GMPR2: variants seen among roughly 807,000 people sequenced by gnomAD.
GMPR2 encodes GMP reductase 2.
In GMPR2, 32 loss-of-function variants were observed where a neutral mutation model predicts 38.5. That is an observed-to-expected ratio of 0.83 (90% confidence interval 0.63 to 1.12). The LOEUF (loss-of-function observed/expected upper bound fraction) is 1.12, where lower values mean the gene tolerates loss of function less well. Ranked by LOEUF, GMPR2 falls within the 50% of genes most tolerant of loss-of-function variation. GMPR2 has a pLI of 0.00. For missense variants in GMPR2, 396 were observed against 432.1 expected, an observed-to-expected ratio of 0.92 and a Z score of 0.74; for synonymous variants, 154 against 151.0, an observed-to-expected ratio of 1.02 and a Z score of -0.15.
At chr14:24,234,291 T>C (rs1201483327) in intron 3 of GMPR2, 1 of 1,232,416 alleles carries the variant, frequency 8.1e-7, no homozygotes, top group Admixed American at 2.4e-5. Context: ...TGCTGGTTGA[T>C]CCATGTAGCC....
intron 5 of GMPR2, 24 bp downstream of exon 5, chr14:24,236,164 C>A (rs1398383759): frequency 6.3e-7 from 1 of 1,587,164 alleles, no homozygotes; most frequent in Non-Finnish European, 8.6e-7. Flanking sequence ...ACAGTCGGTA[C>A]CTTTTTATCT....
intron 2 of GMPR2, 63 bp downstream of exon 2, chr14:24,233,403 A>C: frequency 6.2e-7 from 1 of 1,609,882 alleles, no homozygotes; most frequent in Middle Eastern, 1.7e-4. Context: ...ACAACCAAGA[A>C]AGATGCCTGT....
intron 3 of GMPR2, 129 bp downstream of exon 3, chr14:24,233,727 C>A: frequency 9.6e-7 from 1 of 1,039,492 alleles, no homozygotes; most frequent in South Asian, 1.3e-5. Context: ...CTCTGATTTA[C>A]GGTTTTTTCC....
chr14:24,236,585 A>C (rs573779921), intron 5 of GMPR2, among the ~76,000 whole-genome samples: 1 of 152,344 alleles, frequency 6.6e-6, no homozygotes, highest in Admixed American at 6.5e-5. Flanking sequence ...ATGGGTCTTT[A>C]GCCTATACTA....
chr14:24,238,554 G>C (rs2040461574), intron 9 of GMPR2, 35 bp from the exon 10 acceptor site: 1 of 1,613,934 alleles, frequency 6.2e-7, no homozygotes, highest in Non-Finnish European at 8.5e-7. Context: ...AAGGAATCCA[G>C]AAGGAGAAGA....
chr14:24,233,515 A>G lies in GMPR2; in HGVS notation c.124A>G (p.Lys42Glu), dbSNP rs1021226130. The change falls in exon 3 of 10, where the codon AAG becomes GAG. Residue 42 changes from lysine (K) to glutamate (E), a missense_variant. Lys to Glu is a moderately conservative substitution (Grantham distance 56, BLOSUM62 1). Transcript: ENST00000399440. ...LTRSFSFRNS[K>E]QTYSGVPIIA... Reference sequence around the variant, plus strand: ...AAGATCCTTTTCATTTCGGAACTCAAAGCAGACATACTCTGGGGTTCCCAT... The same window carrying G: ...AAGATCCTTTTCATTTCGGAACTCAGAGCAGACATACTCTGGGGTTCCCAT... 7 of 1,613,958 alleles carry G rather than the reference A, an allele frequency of 4.3e-6. No homozygotes were observed. In the African/African-American group the frequency reaches 9.3e-5, roughly 22 times the overall value.
At chr14:24,238,466 A>AG (rs2040455257) in intron 9 of GMPR2, 61 bp downstream of exon 9, 1 of 1,614,024 alleles carries the variant, frequency 6.2e-7, no homozygotes, top group African/African-American at 1.3e-5. Flanking sequence ...GGCTGCTGAG[A>AG]GGGGGATGGT....
chr14:24,237,695 GT>G (rs1225455058), intron 8 of GMPR2, 133 bp downstream of exon 8: 1 of 833,646 alleles, frequency 1.2e-6, no homozygotes, highest in Non-Finnish European at 2.0e-6. Context: ...TGACTCCGAA[GT>G]CTATGGTATC....
intron 4 of GMPR2, 34 bp downstream of exon 4, chr14:24,235,854 C>A (rs1251173269): frequency 6.3e-7 from 1 of 1,593,130 alleles, no homozygotes; most frequent in Non-Finnish European, 8.6e-7. Flanking sequence ...CCTTCCTTAT[C>A]CCAGTTTTCC....
Position 24,239,191 on chromosome 14 carries a change from G to C in GMPR2, c.*413G>C, listed in dbSNP as rs913368396. 1 of 365,882 alleles carries C rather than the reference G, an allele frequency of 2.7e-6. No individual in the cohort carries two copies. The highest frequency in any genetic ancestry group is 2.1e-5 in the African/African-American group (1 of 46,932). The allele number at this position is 365,882 out of a possible 1,614,324, so 22.7% of individuals were successfully genotyped here. On this transcript the variant is annotated 3_prime_UTR_variant, in exon 10 of 10. Coordinates refer to ENST00000399440, the MANE Select transcript of GMPR2 (RefSeq NM_001002002.3). ...CTTCACATATCTAAAAAGCTCTGAA[G>C]TGTTTGTATATTTGAAATACCTCAA... is the stretch of plus-strand genomic sequence containing the variant.
At chr14:24,235,598 C>A (rs2040299459) in intron 3 of GMPR2, 139 bp from the exon 4 acceptor site, 3 of 684,410 alleles carry the variant, frequency 4.4e-6, no homozygotes, top group Admixed American at 4.6e-5. Context: ...GAACTCAAAT[C>A]CCAGCTCAAC....
chr14:24,235,696 A>G, intron 3 of GMPR2, 41 bp from the exon 4 acceptor site: 1 of 1,336,932 alleles, frequency 7.5e-7, no homozygotes, highest in Non-Finnish European at 1.1e-6. Flanking sequence ...AGACCTTAAT[A>G]AAGTTTTCTC....
intron 7 of GMPR2, 71 bp downstream of exon 7, chr14:24,237,422 G>C: frequency 6.7e-7 from 1 of 1,498,938 alleles, no homozygotes; most frequent in Non-Finnish European, 9.3e-7. Flanking sequence ...AGATGGATTA[G>C]AATTCCTGGG....
rs2040329798 is a variant in GMPR2, at chr14:24,236,102, A to C, written c.427A>C (p.Lys143Gln). The C allele has an allele frequency of 6.2e-7, 1 of 1,614,148 alleles. No homozygotes were observed. The highest frequency in any genetic ancestry group is 8.5e-7 in the Non-Finnish European group (1 of 1,179,978). The change falls in exon 5 of 10, where the codon AAA (lysine) becomes CAA (glutamine). Residue 143 changes from lysine (K) to glutamine (Q), a missense_variant. Coordinates refer to ENST00000399440, the MANE Select transcript of GMPR2 (RefSeq NM_001002002.3). ...GYSEHFVEFV[K>Q]DVRKRFPQHT... The stretch of plus-strand genomic sequence containing the variant: ...CTCTGAACACTTTGTTGAATTTGTA[A>C]AAGATGTACGGAAGCGCTTCCCCCA...
rs2040398985 is a variant in GMPR2, at chr14:24,237,396, G to T, written c.654+45G>T. Reference sequence around the variant, plus strand: ...TAGGGTATGAGCGGGGTTTCTGCAGGGTATGGAGGTGGCAGAGATGGATTA... The same window carrying T: ...TAGGGTATGAGCGGGGTTTCTGCAGTGTATGGAGGTGGCAGAGATGGATTA... On this transcript the variant is annotated intron_variant, in intron 7 of 9. Transcript: ENST00000399440. The T allele has an allele frequency of 2.0e-6, 3 of 1,479,360 alleles. No individual in the cohort carries two copies. The East Asian group carries it at 6.8e-5, about 33-fold the overall frequency. 91.6% of individuals were successfully genotyped at this position (1,479,360 alleles called of 1,614,324 possible). A position where few individuals can be genotyped will look rare whatever the true frequency, so the allele number is the denominator to read the frequency against.
intron 3 of GMPR2, chr14:24,233,828 G>T: frequency 1.6e-6 from 1 of 619,268 alleles, no homozygotes; most frequent in Non-Finnish European, 2.8e-6. Flanking sequence ...TCTGATATAT[G>T]AACAGAATTT....
In GMPR2 at chr14:24,235,992, G is replaced by T. The variant is rs1248393347; in HGVS notation, c.317G>T (p.Gly106Val). 1 of 1,614,152 alleles carries T rather than the reference G, an allele frequency of 6.2e-7. No individual in the cohort carries two copies. The highest frequency in any genetic ancestry group is 2.2e-5 in the East Asian group (1 of 44,890). ...LEHLAASSGT[G>V]SSDFEQLEQI... ...CATCTGGCTGCCAGCTCAGGCACAG[G>T]CTCTTCTGACTTTGAGCAGCTGGAA... The change falls in exon 5 of 10, where the codon GGC becomes GTC. Residue 106 changes from glycine to valine, a missense_variant. Gly to Val is a moderately radical substitution (Grantham distance 109). Coordinates refer to ENST00000399440, the MANE Select transcript of GMPR2 (RefSeq NM_001002002.3).
At position 24,238,838 on chromosome 14, in the gene GMPR2, G is replaced by A; in HGVS notation, c.*60G>A. On this transcript the variant is annotated 3_prime_UTR_variant, in exon 10 of 10. Transcript: ENST00000399440. ...CTCTACCATGGGGCATCCCAAGTGGGGTCCTCACCCATCCCAGCTACTGCA... is the reference window on the plus strand; with the variant it reads ...CTCTACCATGGGGCATCCCAAGTGGAGTCCTCACCCATCCCAGCTACTGCA... 1 of 1,422,124 alleles carries A rather than the reference G, an allele frequency of 7.0e-7. No homozygotes were observed. The highest frequency in any genetic ancestry group is 1.4e-5 in the African/African-American group (1 of 71,566). The allele number at this position is 1,422,124 out of a possible 1,614,324, so 88.1% of individuals were successfully genotyped here.
chr14:24,234,075 C>T (rs1361200099), intron 3 of GMPR2: 6 of 1,279,566 alleles, frequency 4.7e-6, no homozygotes, highest in Non-Finnish European at 6.1e-6. Context: ...AATACTTCTG[C>T]CATTCTTTTT....
Sources: gnomAD v4.1 joint callset for allele counts (sites outside exome capture counted in the v4.1 genomes callset) on GRCh38, gnomAD v4.1.1 for gene constraint, MANE v1.5 for transcripts, NCBI Gene and HGNC (gene_info 2026-07-23, HGNC 2026-07-21) for gene names.